Variants in CHD7 observed in about 807,000 individuals in gnomAD.
CHD7 encodes the protein chromodomain helicase DNA binding protein 7, also known as ATP-dependent chromatin remodeler CHD7.
A neutral mutation model predicts 307.3 loss-of-function variants in CHD7; 24 were observed. The ratio of observed to expected loss-of-function variants is 0.08; its 90% CI spans 0.06 to 0.11. CHD7 has a LOEUF of 0.11. CHD7 is among the 10% of genes least tolerant of loss of function. The pLI, the probability that CHD7 is intolerant of heterozygous loss-of-function variation, is 1.00. For missense variants in CHD7, 3,106 were observed against 3,727.1 expected, an observed-to-expected ratio of 0.83 and a Z score of 4.34; for synonymous variants, 1,363 against 1,349.9, an observed-to-expected ratio of 1.01 and a Z score of -0.21.
In CHD7 at chr8:60,742,164, C is replaced by T. The variant is rs779776551; in HGVS notation, c.732C>T (p.Ser244=). ...CCCACGTGCCCCAGCAGAGTCCCAG[C>T]ATGGCACCTTCCTTGCGTCACTCGG... The part of the protein sequence containing the change: ...HLSHVPQQSP[S]MAPSLRHSVQ... Residue 244 remains serine, a synonymous_variant, in exon 2 of 38, where the codon AGC becomes AGT. Transcript: ENST00000423902. 29 of 1,613,838 alleles carry T rather than the reference C, an allele frequency of 1.8e-5. No individual in the cohort carries two copies. Among genetic ancestry groups the T allele is most frequent in the Non-Finnish European group, 2.5e-5 (29 of 1,179,890 alleles).
chr8:60,772,620 A>C (rs1050714192), intron 2 of CHD7, among the ~76,000 whole-genome samples: 2 of 152,180 alleles, frequency 1.3e-5, no homozygotes, highest in Non-Finnish European at 2.9e-5. Context: ...TATGGACCTT[A>C]GGGCCAACTT....
intron 35 of CHD7, 124 bp downstream of exon 35, chr8:60,861,249 A>G (rs1805955830): frequency 1.4e-6 from 1 of 709,578 alleles, no homozygotes; most frequent in South Asian, 2.1e-5. Context: ...CCTGGTCTCA[A>G]ACATTTCCCA....
intron 15 of CHD7, among the ~76,000 whole-genome samples, chr8:60,831,692 A>T (rs550428550): frequency 1.3e-5 from 2 of 151,936 alleles, no homozygotes; most frequent in East Asian, 3.9e-4. Flanking sequence ...GGTAGAAGTT[A>T]ATGTGGGTTA....
rs376048082 is a variant in CHD7, at chr8:60,821,839, G to T, written c.2747G>T (p.Ser916Ile). ...VKWCSLPYEDSTWERRQDIDQ... is the reference protein window; with the variant it reads ...VKWCSLPYEDITWERRQDIDQ... ...TGGTGTTCACTTCCTTATGAAGACA[G>T]CACGTGGGAGCGGAGGCAGGACATA... Residue 916 changes from serine (S) to isoleucine (I), a missense_variant, in exon 10 of 38, where the codon AGC (serine) becomes ATC (isoleucine). This residue lies in a region of CHD7 where 188 missense variants were observed against 261.7 expected (regional missense o/e 0.72). Coordinates refer to ENST00000423902, the MANE Select transcript of CHD7 (RefSeq NM_017780.4). The T allele has an allele frequency of 1.3e-6, 2 of 1,584,178 alleles. No homozygotes were observed. Among genetic ancestry groups the T allele is most frequent in the Non-Finnish European group, 1.7e-6 (2 of 1,164,480 alleles).
rs148979786 is a variant in CHD7 at position 60,837,993 on chromosome 8, T to G, written c.4354-83T>G. ...TGTTATAATTTAGGTTTACTCTCTT[T>G]GAGAAAAATGCAGCATTTGTTTAGT... is the stretch of plus-strand genomic sequence containing the variant. On this transcript the variant is annotated intron_variant, in intron 18 of 37. Transcript: ENST00000423902. 10 of 1,294,406 alleles carry G rather than the reference T, an allele frequency of 7.7e-6. No homozygotes were observed. The African/African-American group carries it at 1.5e-4, about 19-fold the overall frequency. The allele number at this position is 1,294,406 out of a possible 1,614,324, so 80.2% of individuals were successfully genotyped here. A position where few individuals can be genotyped will look rare whatever the true frequency, so the allele number is the denominator to read the frequency against.
chr8:60,736,849 A>C (rs975765900), intron 1 of CHD7, among the ~76,000 whole-genome samples: 1 of 152,200 alleles, frequency 6.6e-6, no homozygotes, highest in Non-Finnish European at 1.5e-5. Flanking sequence ...CTAGGTTTCT[A>C]GTCCACACCT....
chr8:60,702,444 G>A (rs1010004352), intron 1 of CHD7, among the ~76,000 whole-genome samples: 8 of 151,992 alleles, frequency 5.3e-5, no homozygotes, highest in African/African-American at 1.9e-4. Context: ...TCTTGTTTTG[G>A]TTTTCTCTGA....
chr8:60,859,833 C>T (rs1176829751), intron 34 of CHD7, among the ~76,000 whole-genome samples: 2 of 152,034 alleles, frequency 1.3e-5, no homozygotes, highest in Non-Finnish European at 2.9e-5. Flanking sequence ...GGATTTTGTC[C>T]TGGAGGTAAT....
chr8:60,783,447 A>C (rs1811356157), intron 3 of CHD7, among the ~76,000 whole-genome samples: 1 of 152,214 alleles, frequency 6.6e-6, no homozygotes, highest in Non-Finnish European at 1.5e-5. Flanking sequence ...CAAGCCTCAT[A>C]GGCTTGCTGT....
At chr8:60,819,799 G>T (rs1168861478) in intron 8 of CHD7, among the ~76,000 whole-genome samples, 1 of 152,198 alleles carries the variant, frequency 6.6e-6, no homozygotes, top group Non-Finnish European at 1.5e-5. Context: ...GTAATTAAAA[G>T]ACCCAGTTAA....
chr8:60,772,301 A>G (rs754400275), intron 2 of CHD7, among the ~76,000 whole-genome samples: 1 of 152,198 alleles, frequency 6.6e-6, no homozygotes, highest in African/African-American at 2.4e-5. Context: ...TGTTGCAGAC[A>G]CACCTTTGAC....
chr8:60,744,894 G>T (rs1185010778), intron 2 of CHD7, among the ~76,000 whole-genome samples: 8 of 149,978 alleles, frequency 5.3e-5, no homozygotes, highest in African/African-American at 1.5e-4. Context: ...TTAGATTCAC[G>T]CAGGCATTTA....
At chr8:60,844,043 G>A (rs1805088970) in intron 21 of CHD7, among the ~76,000 whole-genome samples, 1 of 152,234 alleles carries the variant, frequency 6.6e-6, no homozygotes, top group Non-Finnish European at 1.5e-5. Context: ...CATGAGCACT[G>A]CCTTGGTGGC....
chr8:60,812,514 A>G (rs1812858327), intron 7 of CHD7, among the ~76,000 whole-genome samples: 1 of 151,958 alleles, frequency 6.6e-6, no homozygotes, highest in African/African-American at 2.4e-5. Context: ...AATACAAAAA[A>G]TTAGCTGAGC....
At position 60,845,045 on chromosome 8, in the gene CHD7, G is replaced by A. The variant is rs1805145264; in HGVS notation, c.5032G>A (p.Ala1678Thr). 1 of 1,613,856 alleles carries A rather than the reference G, an allele frequency of 6.2e-7. No homozygotes were observed. Among genetic ancestry groups the A allele is most frequent in the Non-Finnish European group, 8.5e-7 (1 of 1,179,880 alleles). The change falls in exon 22 of 38, where the codon GCC becomes ACC. Residue 1678 changes from alanine (A) to threonine (T), a missense_variant. Around this residue, in one of 10 missense-constraint regions of CHD7, gnomAD observed 28 missense variants for 64.7 expected, o/e 0.43. Transcript: ENST00000423902. The stretch of plus-strand genomic sequence containing the variant: ...ACCCACAGCGGATGGCCAGACTCGA[G>A]CCTTGGTCAACCATTCCGGTAGGTC... Reference protein sequence around the residue: ...ITPTADGQTRALVNHSGLSAP... With the variant: ...ITPTADGQTRTLVNHSGLSAP...
chr8:60,810,380 AGTGT>A (rs112629399), intron 7 of CHD7, among the ~76,000 whole-genome samples: 3,230 of 146,032 alleles, frequency 0.022, 75 homozygotes, highest in African/African-American at 0.064. Flanking sequence ...AGAGAGAGAG[AGTGT>A]GTGTGTGTGT....
intron 2 of CHD7, among the ~76,000 whole-genome samples, chr8:60,750,226 T>C (rs1206378753): frequency 2.6e-5 from 4 of 152,230 alleles, no homozygotes; most frequent in Admixed American, 6.5e-5. Flanking sequence ...TTGATATTCT[T>C]AAAAGAAGCC....
intron 1 of CHD7, among the ~76,000 whole-genome samples, chr8:60,726,394 C>T (rs7814114): frequency 0.74 from 112,851 of 152,094 alleles, 42,357 homozygotes; most frequent in East Asian, 0.93. Context: ...ATCAAGGCCA[C>T]GTAGCCTAGT....
chr8:60,862,256 C>A lies in CHD7; in HGVS notation c.7891C>A (p.Arg2631=). The change falls in exon 36 of 38, where the codon CGA becomes AGA. Residue 2631 remains arginine (R), a synonymous_variant. Transcript: ENST00000423902. Reference sequence around the variant, plus strand: ...ACCGAAACAGAAACGACATAGATGTCGAAACCCTAATAAATTGGATATAAA... The same window carrying A: ...ACCGAAACAGAAACGACATAGATGTAGAAACCCTAATAAATTGGATATAAA... The part of the protein sequence containing the change: ...QKPKQKRHRC[R]NPNKLDINTL... 6.2e-7 allele frequency: 1 copy of A among 1,611,532 alleles called. No individual in the cohort carries two copies. Among genetic ancestry groups the A allele is most frequent in the South Asian group, 1.1e-5 (1 of 90,474 alleles).
Sources: gnomAD v4.1 joint callset for allele counts (sites outside exome capture counted in the v4.1 genomes callset) on GRCh38, gnomAD v4.1.1 for gene constraint, gnomAD v4.1.1 regional missense constraint, MANE v1.5 for transcripts, NCBI Gene and HGNC (gene_info 2026-07-23, HGNC 2026-07-21) for gene names.